CDK18: variants seen among roughly 807,000 people sequenced by gnomAD.
The protein encoded by CDK18 is cyclin-dependent kinase 18.
CDK18 carries 52 observed loss-of-function variants against 62.0 expected under a neutral mutation model. The observed-to-expected ratio is 0.84, with a 90% CI of 0.67 to 1.06. The LOEUF is 1.06. Among genes scored for constraint, CDK18 ranks in the 50% least tolerant of loss-of-function variants. CDK18 has a pLI of 0.00. For synonymous variants in CDK18, 237 were observed against 247.0 expected, an observed-to-expected ratio of 0.96 and a Z score of 0.38; for missense variants, 604 against 619.9, an observed-to-expected ratio of 0.97 and a Z score of 0.27.
At chr1:205,514,479 G>T (rs1667722857) in intron 1 of CDK18, among the ~76,000 whole-genome samples, 1 of 152,164 alleles carries the variant, frequency 6.6e-6, no homozygotes, top group South Asian at 2.1e-4. Context: ...AGTCTAACTA[G>T]GACAGGAGAT....
chr1:205,524,226 C>T lies in CDK18; in HGVS notation c.274-6C>T, dbSNP rs779461833. ...TGGTGTCCCCATCTCATCCCTGTCACCACAGGACGTCAGCAAGAGGCTCTC... is the reference window on the plus strand; with the variant it reads ...TGGTGTCCCCATCTCATCCCTGTCATCACAGGACGTCAGCAAGAGGCTCTC... On this transcript the variant is annotated splice_region_variant and splice_polypyrimidine_tract_variant and intron_variant, in intron 3 of 15. Transcript: ENST00000429964. 1.9e-6 allele frequency: 3 copies of T among 1,614,188 alleles called. No homozygotes were observed. The highest frequency in any genetic ancestry group is 2.5e-6 in the Non-Finnish European group (3 of 1,180,004).
In CDK18 at chr1:205,526,366, G is replaced by A. The variant is rs774574382; in HGVS notation, c.572-1G>A. ...ACCCAGGTGGATCTGTCTCCTCACA[G>A]TGTCTCTGCTGAAGAACCTGAAGCA... On this transcript the variant is annotated splice_acceptor_variant, in intron 6 of 15. Transcript: ENST00000429964. LOFTEE classifies it high-confidence loss of function. 1.0e-4 allele frequency: 163 copies of A among 1,613,376 alleles called. No individual in the cohort carries two copies. The highest frequency in any genetic ancestry group is 1.4e-4 in the Non-Finnish European group (160 of 1,179,412).
chr1:205,527,989 C>T lies in CDK18; in HGVS notation c.854-59C>T. On this transcript the variant is annotated intron_variant, in intron 9 of 15. Transcript: ENST00000429964. This position sits in a 1 kb window ranked among gnomAD's most constrained non-coding sequence, Gnocchi z 4.1. ...AGGGTGTGGGTGCAGTGGGGGAGGG[C>T]ATAGCAGTCAACCCCACAGCACCTG... The T allele has an allele frequency of 6.2e-7, 1 of 1,612,918 alleles. No individual in the cohort carries two copies. Among genetic ancestry groups the T allele is most frequent in the Non-Finnish European group, 8.5e-7 (1 of 1,179,202 alleles).
At chr1:205,526,914 C>A in intron 8 of CDK18, 77 bp downstream of exon 8, 1 of 1,186,612 alleles carries the variant, frequency 8.4e-7, no homozygotes, top group Non-Finnish European at 1.3e-6. Context: ...CCACTCTCAC[C>A]ACCAGGGATC....
chr1:205,527,937 G>C lies in CDK18; in HGVS notation c.853+20G>C. 6.2e-7 allele frequency: 1 copy of C among 1,613,982 alleles called. No homozygotes were observed. Among genetic ancestry groups the C allele is most frequent in the East Asian group, 2.2e-5 (1 of 44,880 alleles). ...ACTTTGGTGAGGCTGGGGCTAGGGT[G>C]GGGGTCTGACGCTACTGGGGTGCCT... is the stretch of plus-strand genomic sequence containing the variant. On this transcript the variant is annotated intron_variant, in intron 9 of 15. Transcript: ENST00000429964. The surrounding 1 kb of genome is among the most constrained non-coding windows in gnomAD (Gnocchi z 4.1).
At chr1:205,518,468 T>A (rs1656309555) in intron 1 of CDK18, among the ~76,000 whole-genome samples, 1 of 152,118 alleles carries the variant, frequency 6.6e-6, no homozygotes, top group South Asian at 2.1e-4. Context: ...AGTTTGAAAC[T>A]GAGTTTGTTT....
chr1:205,527,941 G>T lies in CDK18; in HGVS notation c.853+24G>T. ...TGGTGAGGCTGGGGCTAGGGTGGGG[G>T]TCTGACGCTACTGGGGTGCCTCAGG... On this transcript the variant is annotated intron_variant, in intron 9 of 15. Coordinates refer to ENST00000429964, the MANE Select transcript of CDK18 (RefSeq NM_212502.3). This position sits in a 1 kb window ranked among gnomAD's most constrained non-coding sequence, Gnocchi z 4.1. 1.2e-6 allele frequency: 2 copies of T among 1,613,848 alleles called. No homozygotes were observed. The highest frequency in any genetic ancestry group is 1.7e-6 in the Non-Finnish European group (2 of 1,179,844).
chr1:205,523,019 C>G, intron 1 of CDK18, 128 bp from the exon 2 acceptor site: 2 of 1,027,642 alleles, frequency 1.9e-6, no homozygotes. Context: ...AAGACACAAC[C>G]CTGGCTCCCA....
chr1:205,509,869 CAGG>C (rs1417072405), intron 1 of CDK18, among the ~76,000 whole-genome samples: 1 of 152,116 alleles, frequency 6.6e-6, no homozygotes. Flanking sequence ...CACCTGAGGT[CAGG>C]AGTTCAAGAC....
intron 1 of CDK18, among the ~76,000 whole-genome samples, chr1:205,521,233 ACAGAGT>A (rs1668110208): frequency 6.6e-6 from 1 of 152,164 alleles, no homozygotes; most frequent in Non-Finnish European, 1.5e-5. Flanking sequence ...GTTTTTTAAG[ACAGAGT>A]CTTGCTCTGT....
intron 3 of CDK18, 151 bp from the exon 4 acceptor site, chr1:205,524,081 G>A (rs2102306768): frequency 1.1e-6 from 1 of 878,500 alleles, no homozygotes; most frequent in Non-Finnish European, 1.8e-6. Context: ...CACACTGGGA[G>A]CAGCTGTGAG....
rs1446518906 is a variant in CDK18 at position 205,526,923 on chromosome 1, T to G, written c.729+86T>G. The stretch of plus-strand genomic sequence containing the variant: ...GGGGACCCACTCTCACCACCAGGGA[T>G]CCGGCTGCTGAGGTGGCTCAGACCT... On this transcript the variant is annotated intron_variant, in intron 8 of 15. Coordinates refer to ENST00000429964, the MANE Select transcript of CDK18 (RefSeq NM_212502.3). The G allele has an allele frequency of 3.6e-6, 4 of 1,118,684 alleles. No individual in the cohort carries two copies. The African/African-American group carries it at 4.6e-5, about 13-fold the overall frequency. 69.3% of individuals were successfully genotyped at this position (1,118,684 alleles called of 1,614,324 possible).
rs1468144577 is a variant in CDK18 at position 205,529,189 on chromosome 1, G to A, written c.1072+93G>A. Reference sequence around the variant, plus strand: ...GAGCGGGACGGGGAGGAGCGGCTCGGCCGCCTCTCTCCCGGGCGGGGACCC... The same window carrying A: ...GAGCGGGACGGGGAGGAGCGGCTCGACCGCCTCTCTCCCGGGCGGGGACCC... On this transcript the variant is annotated intron_variant, in intron 11 of 15. Coordinates refer to ENST00000429964, the MANE Select transcript of CDK18 (RefSeq NM_212502.3). 9 of 1,360,866 alleles carry A rather than the reference G, an allele frequency of 6.6e-6. No individual in the cohort carries two copies. The African/African-American group carries it at 1.0e-4, about 15-fold the overall frequency. The allele number at this position is 1,360,866 out of a possible 1,614,324, so 84.3% of individuals were successfully genotyped here. A position where few individuals can be genotyped will look rare whatever the true frequency, so the allele number is the denominator to read the frequency against.
chr1:205,507,526 C>G (rs1037459049), intron 1 of CDK18, among the ~76,000 whole-genome samples: 2 of 146,460 alleles, frequency 1.4e-5, no homozygotes, highest in Admixed American at 1.4e-4. Flanking sequence ...TGTAGCTACT[C>G]GGGAGGCTGA....
At chr1:205,519,739 T>C (rs1432761269) in intron 1 of CDK18, among the ~76,000 whole-genome samples, 2 of 151,966 alleles carry the variant, frequency 1.3e-5, no homozygotes, top group Admixed American at 6.6e-5. Context: ...TCACTGAACC[T>C]TAGGGAGAGC....
rs1483246751 is a variant in CDK18 at position 205,531,438 on chromosome 1, A to G, written c.*60A>G. On this transcript the variant is annotated 3_prime_UTR_variant, in exon 16 of 16. Coordinates refer to ENST00000429964, the MANE Select transcript of CDK18 (RefSeq NM_212502.3). ...GATCACATGGAGCACAAATTCGGGT[A>G]GGATGGAGCCTGTGTGGCCCTCGGA... 1.7e-5 allele frequency: 25 copies of G among 1,511,238 alleles called. No homozygotes were observed. Among genetic ancestry groups the G allele is most frequent in the Non-Finnish European group, 2.3e-5 (25 of 1,085,858 alleles). The allele number at this position is 1,511,238 out of a possible 1,614,324, so 93.6% of individuals were successfully genotyped here.
rs937612493 is a variant in CDK18 at position 205,529,157 on chromosome 1, A to T, written c.1072+61A>T. On this transcript the variant is annotated intron_variant, in intron 11 of 15. Coordinates refer to ENST00000429964, the MANE Select transcript of CDK18 (RefSeq NM_212502.3). ...GGGGGCGCCGGAACTCCTCCAGCCC[A>T]GGCGCGGAGCGGGACGGGGAGGAGC... 1.4e-5 allele frequency: 20 copies of T among 1,465,132 alleles called. No individual in the cohort carries two copies. The African/African-American group carries it at 2.7e-4, about 19-fold the overall frequency. 90.8% of individuals were successfully genotyped at this position (1,465,132 alleles called of 1,614,324 possible). A position where few individuals can be genotyped will look rare whatever the true frequency, so the allele number is the denominator to read the frequency against.
chr1:205,520,629 G>A (rs192634434), intron 1 of CDK18, among the ~76,000 whole-genome samples: 41 of 151,672 alleles, frequency 2.7e-4, no homozygotes, highest in Middle Eastern at 3.4e-3. Context: ...GAGCCCGGAA[G>A]GTGGAGGTTG....
rs778575826 is a variant in CDK18 at position 205,526,069 on chromosome 1, C to T, written c.461C>T (p.Thr154Ile). 6.2e-7 allele frequency: 1 copy of T among 1,611,490 alleles called. No individual in the cohort carries two copies. The highest frequency in any genetic ancestry group is 8.5e-7 in the Non-Finnish European group (1 of 1,178,620). ...YVKLDKLGEG[T>I]YATVFKGRSK... Reference sequence around the variant, plus strand: ...CGCTGTGGCCCTCCATCCCAGGGCACCTATGCCACAGTCTTCAAAGGGCGC... The same window carrying T: ...CGCTGTGGCCCTCCATCCCAGGGCATCTATGCCACAGTCTTCAAAGGGCGC... The change falls in exon 6 of 16, where the codon ACC (threonine) becomes ATC (isoleucine). Residue 154 changes from threonine (T) to isoleucine (I), a missense_variant. Transcript: ENST00000429964.
Sources: allele counts gnomAD v4.1 joint callset (sites outside exome capture counted in the v4.1 genomes callset), GRCh38; gene constraint gnomAD v4.1.1; non-coding constraint Gnocchi (gnomAD v3.1); transcripts MANE v1.5; gene names NCBI Gene and HGNC (gene_info 2026-07-23, HGNC 2026-07-21).